Variants in PCDHA13 observed in about 807,000 individuals in gnomAD.
PCDHA13 encodes the protein protocadherin alpha-13.
A neutral mutation model predicts 64.8 loss-of-function variants in PCDHA13; 54 were observed. The ratio of observed to expected loss-of-function variants is 0.83; its 90% CI spans 0.67 to 1.04. PCDHA13 has a LOEUF of 1.04. Among genes scored for constraint, PCDHA13 ranks in the 50% least tolerant of loss-of-function variants. The pLI is 0.00. For missense variants in PCDHA13, 1,248 were observed against 1,254.3 expected (o/e 0.99, Z 0.08); for synonymous variants, 587 against 564.4 (o/e 1.04, Z -0.57).
At chr5:140,921,022 T>C (rs990627966) in intron 1 of PCDHA13, among the ~76,000 whole-genome samples, 6 of 152,094 alleles carry the variant, frequency 3.9e-5, no homozygotes, top group Admixed American at 6.6e-5. Context: ...CTATGTTTTC[T>C]AGACTGGGGT....
At chr5:140,928,115 T>A (rs2084949063) in intron 1 of PCDHA13, 1 of 1,614,164 alleles carries the variant, frequency 6.2e-7, no homozygotes, top group East Asian at 2.2e-5. Flanking sequence ...CGGGAGCAGA[T>A]CAGTGAATAC....
intron 1 of PCDHA13, among the ~76,000 whole-genome samples, chr5:140,887,610 A>G (rs544288452): frequency 3.2e-4 from 49 of 151,656 alleles, no homozygotes; most frequent in Admixed American, 2.7e-3. Context: ...GTGCTTTAGT[A>G]TGGTTTTCTT....
chr5:140,949,120 T>C (rs782586418), intron 1 of PCDHA13, among the ~76,000 whole-genome samples: 3 of 151,756 alleles, frequency 2.0e-5, no homozygotes, highest in Non-Finnish European at 4.4e-5. Flanking sequence ...ATATTTTTGG[T>C]TTTCCTAGCT....
Position 140,882,655 on chromosome 5 carries a change from C to T in PCDHA13, c.387C>T (p.Asn129=). 3.1e-6 allele frequency: 5 copies of T among 1,614,196 alleles called. No homozygotes were observed. Among genetic ancestry groups the T allele is most frequent in the Non-Finnish European group, 4.2e-6 (5 of 1,180,048 alleles). The part of the protein sequence containing the change: ...VEVKVRDIND[N]PPIFPESKKR... ...TGAAGGTGAGGGACATTAACGACAA[C>T]CCGCCCATATTCCCTGAAAGCAAGA... Residue 129 remains asparagine, a synonymous_variant, in exon 1 of 4, where the codon AAC becomes AAT. Coordinates refer to ENST00000289272, the MANE Select transcript of PCDHA13 (RefSeq NM_018904.3).
chr5:141,009,374 G>C (rs567366098), intron 3 of PCDHA13, among the ~76,000 whole-genome samples: 1 of 152,216 alleles, frequency 6.6e-6, no homozygotes, highest in African/African-American at 2.4e-5. Context: ...TGGGAGGATT[G>C]ATTGAGCACA....
chr5:141,006,069 C>T (rs1588119997), intron 3 of PCDHA13, among the ~76,000 whole-genome samples: 1 of 148,482 alleles, frequency 6.7e-6, no homozygotes, highest in African/African-American at 2.5e-5. Flanking sequence ...AAATAAAAAT[C>T]AGATTATTGA....
rs1189374158 is a variant in PCDHA13 at position 140,884,002 on chromosome 5, C to A, written c.1734C>A (p.Ser578Arg). 6.2e-7 allele frequency: 1 copy of A among 1,612,906 alleles called. No homozygotes were observed. The highest frequency in any genetic ancestry group is 1.7e-5 in the Admixed American group (1 of 59,972). The change falls in exon 1 of 4, where the codon AGC becomes AGA. Residue 578 changes from serine to arginine, a missense_variant. Ser to Arg is a moderately radical substitution (Grantham distance 110, BLOSUM62 -1). Coordinates refer to ENST00000289272, the MANE Select transcript of PCDHA13 (RefSeq NM_018904.3). ...PGAGSAGGTVSELMPRSVGAG... is the reference protein window; with the variant it reads ...PGAGSAGGTVRELMPRSVGAG... Reference sequence around the variant, plus strand: ...CTGGCAGCGCGGGAGGCACAGTGAGCGAGCTGATGCCGCGGTCGGTGGGTG... The same window carrying A: ...CTGGCAGCGCGGGAGGCACAGTGAGAGAGCTGATGCCGCGGTCGGTGGGTG...
intron 1 of PCDHA13, chr5:140,967,118 C>T: frequency 6.2e-7 from 1 of 1,612,940 alleles, no homozygotes; most frequent in Non-Finnish European, 8.5e-7. Context: ...GCCTCGCTGC[C>T]TGCTCAGCTT....
chr5:140,993,906 C>T (rs1245923228), intron 3 of PCDHA13, among the ~76,000 whole-genome samples: 1 of 152,088 alleles, frequency 6.6e-6, no homozygotes, highest in Non-Finnish European at 1.5e-5. Flanking sequence ...AACAAAAATG[C>T]CTAGTGATGC....
At chr5:140,928,998 C>T (rs1448389331) in intron 1 of PCDHA13, 5 of 1,613,784 alleles carry the variant, frequency 3.1e-6, no homozygotes, top group Non-Finnish European at 4.2e-6. Flanking sequence ...TACTTTTCTT[C>T]GTGTGTACCA....
chr5:140,954,441 G>A (rs1411694581), intron 1 of PCDHA13, among the ~76,000 whole-genome samples: 2 of 151,498 alleles, frequency 1.3e-5, no homozygotes, highest in Non-Finnish European at 3.0e-5. Flanking sequence ...TGTTGTTTCT[G>A]GACTTGTTAA....
chr5:140,966,149 G>C (rs1347243484), intron 1 of PCDHA13: 1 of 167,682 alleles, frequency 6.0e-6, no homozygotes, highest in Non-Finnish European at 1.3e-5. Flanking sequence ...TTCCTGAATT[G>C]CGCTTGGAGA....
intron 1 of PCDHA13, among the ~76,000 whole-genome samples, chr5:140,902,203 C>CTTTTT (rs148688132): frequency 5.6e-5 from 7 of 124,458 alleles, no homozygotes; most frequent in South Asian, 2.5e-4. Context: ...CTCTCTCTTT[C>CTTTTT]TTTTTTTTTT....
At chr5:140,927,183 C>T (rs1554204140) in intron 1 of PCDHA13, 12 of 1,614,160 alleles carry the variant, frequency 7.4e-6, no homozygotes, top group Non-Finnish European at 1.0e-5. Context: ...TCTTGACCTA[C>T]GACCTGGTGC....
chr5:140,996,232 T>C (rs1054290986), intron 3 of PCDHA13, among the ~76,000 whole-genome samples: 13 of 152,302 alleles, frequency 8.5e-5, no homozygotes, highest in South Asian at 4.1e-4. Flanking sequence ...AAATGGTTGC[T>C]CAAGGCTGAG....
chr5:140,928,733 A>G (rs1435823697), intron 1 of PCDHA13: 2 of 1,614,100 alleles, frequency 1.2e-6, no homozygotes, highest in Non-Finnish European at 1.7e-6. Context: ...ATTTCAGCCA[A>G]TATAGGTGAG....
chr5:140,995,709 G>C (rs1279829164), intron 3 of PCDHA13, among the ~76,000 whole-genome samples: 6 of 152,162 alleles, frequency 3.9e-5, no homozygotes, highest in African/African-American at 1.4e-4. Flanking sequence ...GCTGGGCTTG[G>C]AAATGTTCTT....
intron 1 of PCDHA13, chr5:140,966,877 T>A (rs782616985): frequency 6.3e-7 from 1 of 1,586,572 alleles, no homozygotes; most frequent in Admixed American, 1.8e-5. Context: ...TGCTGCTACC[T>A]GGCCCTGCGG....
At chr5:141,009,312 A>G (rs1355833857) in intron 3 of PCDHA13, among the ~76,000 whole-genome samples, 1 of 152,160 alleles carries the variant, frequency 6.6e-6, no homozygotes, top group Non-Finnish European at 1.5e-5. Context: ...TTAAAAAGCT[A>G]GCCTGGCATG....
Sources: gnomAD v4.1 joint callset for allele counts (sites outside exome capture counted in the v4.1 genomes callset) on GRCh38, gnomAD v4.1.1 for gene constraint, MANE v1.5 for transcripts, NCBI Gene and HGNC (gene_info 2026-07-23, HGNC 2026-07-21) for gene names.